PCMT1: variants seen among roughly 807,000 people sequenced by gnomAD.
PCMT1 encodes protein-L-isoaspartate (D-aspartate) O-methyltransferase.
PCMT1 carries 9 observed loss-of-function variants against 29.2 expected under a neutral mutation model. The observed-to-expected ratio is 0.31, with a 90% CI of 0.19 to 0.54. The LOEUF is 0.54. Ranked by LOEUF, PCMT1 falls within the 20% of genes least tolerant of loss-of-function variation. PCMT1 has a pLI of 0.95. For synonymous variants in PCMT1, 98 were observed against 97.5 expected, an observed-to-expected ratio of 1.00 and a Z score of -0.03; for missense variants, 184 against 282.2, an observed-to-expected ratio of 0.65 and a Z score of 2.49.
chr6:149,795,506 G>A, intron 5 of PCMT1: 1 of 424,600 alleles, frequency 2.4e-6, no homozygotes, highest in East Asian at 5.9e-5. Flanking sequence ...CGTTTCTACT[G>A]CACAGCCAAA....
At chr6:149,794,766 G>A in intron 5 of PCMT1, 1 of 474,438 alleles carries the variant, frequency 2.1e-6, no homozygotes, top group Non-Finnish European at 4.2e-6. Flanking sequence ...GAATACAGGA[G>A]TAAACCACAC....
chr6:149,809,812 A>AT (rs777860033), intron 7 of PCMT1, among the ~76,000 whole-genome samples: 37 of 151,804 alleles, frequency 2.4e-4, no homozygotes, highest in Non-Finnish European at 3.8e-4. Context: ...CATATATGTA[A>AT]TTTTTTTCCT....
At chr6:149,762,917 ATATATC>A (rs1786874228) in intron 1 of PCMT1, among the ~76,000 whole-genome samples, 2 of 53,618 alleles carry the variant, frequency 3.7e-5, no homozygotes, top group African/African-American at 3.5e-4. Flanking sequence ...TCTATGATAT[ATATATC>A]TATGATATAT....
At chr6:149,755,841 G>A (rs1786483675) in intron 1 of PCMT1, among the ~76,000 whole-genome samples, 1 of 152,168 alleles carries the variant, frequency 6.6e-6, no homozygotes, top group Non-Finnish European at 1.5e-5. Flanking sequence ...AAGTAGGGAG[G>A]GAGGACAGAG....
At chr6:149,759,548 G>A (rs1236872602) in intron 1 of PCMT1, among the ~76,000 whole-genome samples, 1 of 152,104 alleles carries the variant, frequency 6.6e-6, no homozygotes, top group East Asian at 1.9e-4. Flanking sequence ...GGGCTGGAGT[G>A]CAATGGCGGG....
chr6:149,798,782 ACT>A (rs1788712664), intron 6 of PCMT1, among the ~76,000 whole-genome samples: 1 of 152,234 alleles, frequency 6.6e-6, no homozygotes. Flanking sequence ...GCACTGCAAA[ACT>A]CTGAAAAGGC....
chr6:149,766,493 C>T (rs1787090681), intron 1 of PCMT1, among the ~76,000 whole-genome samples: 1 of 152,138 alleles, frequency 6.6e-6, no homozygotes, highest in Non-Finnish European at 1.5e-5. Context: ...GTGTAACCCC[C>T]AACTTCATTA....
chr6:149,781,190 G>GT (rs1267846983), intron 3 of PCMT1, among the ~76,000 whole-genome samples: 1,825 of 50,890 alleles, frequency 0.036, 28 homozygotes, highest in South Asian at 0.16. Flanking sequence ...CCCCTTTCTT[G>GT]TTTTTTTTTT....
In PCMT1 at chr6:149,805,588, C is replaced by T. The variant is rs58023690; in HGVS notation, c.*37+3172C>T. 5.4e-3 allele frequency among the ~76,000 whole-genome samples: 823 copies of T among 151,438 alleles called. 6 individuals carry two copies. Among genetic ancestry groups the T allele is most frequent in the African/African-American group, 0.019 (767 of 41,310 alleles). On this transcript the variant is annotated intron_variant, in intron 7 of 7. Coordinates refer to ENST00000464889, the MANE Select transcript of PCMT1 (RefSeq NM_001360452.2). ...CAGCCTGGGCAACAGAGCGAGACTC[C>T]GTCTCAAAAAATGTATACCTGGTTT...
chr6:149,776,998 T>C (rs1445506102), intron 3 of PCMT1, among the ~76,000 whole-genome samples: 1 of 151,480 alleles, frequency 6.6e-6, no homozygotes, highest in Non-Finnish European at 1.5e-5. Flanking sequence ...AGTTATTTAT[T>C]GACGTCTTAT....
Position 149,810,770 on chromosome 6 carries a change from AG to A in PCMT1, c.*195del. 1 of 617,664 alleles carries A rather than the reference AG, an allele frequency of 1.6e-6. No homozygotes were observed. The highest frequency in any genetic ancestry group is 2.5e-4 in the Middle Eastern group (1 of 3,924). The allele number at this position is 617,664 out of a possible 1,614,324, so 38.3% of individuals were successfully genotyped here. ...TCAGCATGAAAATGTGTGTTTTTTT[AG>A]GGTTTCTGATTCTTCAAAGAGGCAC... On this transcript the variant is annotated 3_prime_UTR_variant, in exon 8 of 8. Transcript: ENST00000464889.
chr6:149,787,307 A>AGAGGGAGACCGTGGGGT, intron 3 of PCMT1, among the ~76,000 whole-genome samples: 1 of 148,412 alleles, frequency 6.7e-6, no homozygotes, highest in Non-Finnish European at 1.5e-5. Context: ...GACCGTGGGG[A>AGAGGGAGACCGTGGGGT]GAGGGAGAGG....
intron 2 of PCMT1, among the ~76,000 whole-genome samples, chr6:149,771,659 G>A (rs1180864649): frequency 6.6e-6 from 1 of 152,080 alleles, no homozygotes; most frequent in Non-Finnish European, 1.5e-5. Flanking sequence ...TGGGATTACA[G>A]GTGCATGCCA....
At chr6:149,770,239 C>T (rs1201661189) in intron 1 of PCMT1, among the ~76,000 whole-genome samples, 1 of 152,116 alleles carries the variant, frequency 6.6e-6, no homozygotes, top group Non-Finnish European at 1.5e-5. Flanking sequence ...GATCTGAAGC[C>T]CCTAACTTTT....
intron 1 of PCMT1, among the ~76,000 whole-genome samples, chr6:149,759,454 T>G (rs10872649): frequency 0.44 from 66,567 of 152,066 alleles, 15,637 homozygotes; most frequent in East Asian, 0.82. Flanking sequence ...AGAAAGTTTC[T>G]ATATGACTTG....
intron 1 of PCMT1, 117 bp downstream of exon 1, chr6:149,750,073 CGCAGA>C: frequency 7.3e-7 from 1 of 1,375,334 alleles, no homozygotes; most frequent in Admixed American, 2.6e-5. Context: ...AGGGCTTCGG[CGCAGA>C]GTTGCCCCGG....
At chr6:149,771,553 A>G (rs1454056306) in intron 2 of PCMT1, among the ~76,000 whole-genome samples, 4 of 152,336 alleles carry the variant, frequency 2.6e-5, no homozygotes, top group Non-Finnish European at 4.4e-5. Context: ...GTCTCATTCT[A>G]TCATCCAGGC....
intron 3 of PCMT1, among the ~76,000 whole-genome samples, chr6:149,784,948 A>C (rs908127609): frequency 3.3e-5 from 5 of 152,216 alleles, no homozygotes; most frequent in African/African-American, 4.8e-5. Flanking sequence ...CAGGTGCTTA[A>C]AAATTTTTAT....
rs148317464 is a variant in PCMT1 at position 149,766,607 on chromosome 6, T to C, written c.56-4555T>C. Among the ~76,000 whole-genome samples the C allele has an allele frequency of 3.5e-3, 532 of 152,344 alleles. 1 individual carries two copies. Among genetic ancestry groups the C allele is most frequent in the African/African-American group, 0.012 (511 of 41,582 alleles). On this transcript the variant is annotated intron_variant, in intron 1 of 7. Coordinates refer to ENST00000464889, the MANE Select transcript of PCMT1 (RefSeq NM_001360452.2). ...GAACACAGCCACACTTTCATTTATG[T>C]AGTGTTTCTGGCTGTTCTTGCATCA...
Sources: allele counts gnomAD v4.1 joint callset (sites outside exome capture counted in the v4.1 genomes callset), GRCh38; gene constraint gnomAD v4.1.1; transcripts MANE v1.5; gene names NCBI Gene and HGNC (gene_info 2026-07-23, HGNC 2026-07-21).